The following VGLL3 variants were observed in gnomAD, a reference collection of about 807,000 sequenced individuals.
The protein encoded by VGLL3 is transcription cofactor vestigial-like protein 3.
In VGLL3, 18 loss-of-function variants were observed where a neutral mutation model predicts 29.2. That is an observed-to-expected ratio of 0.62 (90% CI 0.43 to 0.91). VGLL3 has a LOEUF of 0.91. Among genes scored for constraint, VGLL3 ranks in the 40% least tolerant of loss-of-function variants. The pLI is 0.00. For missense variants in VGLL3, 440 were observed against 413.2 expected (o/e 1.06, Z -0.56); for synonymous variants, 180 against 151.8 (o/e 1.19, Z -1.36).
rs560861117 is a variant in VGLL3 at position 86,978,400 on chromosome 3, C to A, written c.403+126G>T. On this transcript the variant is annotated intron_variant, in intron 2 of 3. Coordinates refer to ENST00000398399, the MANE Select transcript of VGLL3 (RefSeq NM_016206.4). ...CTGTTTGTCTGAAAGAAATTCCTCACTGTCCTTAAATATTAAAAAGCAAGT... is the reference window on the plus strand; with the variant it reads ...CTGTTTGTCTGAAAGAAATTCCTCAATGTCCTTAAATATTAAAAAGCAAGT... 35 of 1,111,106 alleles carry A rather than the reference C, an allele frequency of 3.2e-5. 1 individual carries two copies. In the South Asian group the frequency reaches 4.9e-4, roughly 16 times the overall value. The allele number at this position is 1,111,106 out of a possible 1,614,324, so 68.8% of individuals were successfully genotyped here. A position where few individuals can be genotyped will look rare whatever the true frequency, so the allele number is the denominator to read the frequency against.
At position 86,945,568 on chromosome 3, in the gene VGLL3, T is replaced by G. The variant is rs999969745; in HGVS notation, c.*1456A>C. The G allele has an allele frequency of 6.6e-6, 1 of 152,208 alleles. No individual in the cohort carries two copies. Among genetic ancestry groups the G allele is most frequent in the Non-Finnish European group, 1.5e-5 (1 of 68,020 alleles). The allele number at this position is 152,208 out of a possible 1,614,324, so 9.4% of individuals were successfully genotyped here. The stretch of plus-strand genomic sequence containing the variant: ...GTCCAGCAGTATCAATAACTGTTAC[T>G]TTCATAATCTTAATCTTCTCCTAGC... On this transcript the variant is annotated 3_prime_UTR_variant, in exon 4 of 4. Transcript: ENST00000398399.
At chr3:86,980,692 A>G (rs1705308053) in intron 1 of VGLL3, among the ~76,000 whole-genome samples, 1 of 152,144 alleles carries the variant, frequency 6.6e-6, no homozygotes, top group African/African-American at 2.4e-5. Flanking sequence ...ATTCCATTAA[A>G]AAATTAAATG....
At chr3:86,984,123 A>T (rs1705387105) in intron 1 of VGLL3, among the ~76,000 whole-genome samples, 1 of 152,258 alleles carries the variant, frequency 6.6e-6, no homozygotes, top group Non-Finnish European at 1.5e-5. Context: ...AAACAATGTC[A>T]TGCTTTTAAA....
rs1056147084 is a variant in VGLL3 at position 86,990,900 on chromosome 3, G to C, written c.-157C>G. 1 of 1,122,468 alleles carries C rather than the reference G, an allele frequency of 8.9e-7. No homozygotes were observed. Among genetic ancestry groups the C allele is most frequent in the Non-Finnish European group, 1.1e-6 (1 of 912,628 alleles). 69.5% of individuals were successfully genotyped at this position (1,122,468 alleles called of 1,614,324 possible). A position where few individuals can be genotyped will look rare whatever the true frequency, so the allele number is the denominator to read the frequency against. On this transcript the variant is annotated 5_prime_UTR_variant, in exon 1 of 4. Coordinates refer to ENST00000398399, the MANE Select transcript of VGLL3 (RefSeq NM_016206.4). ...TCCTCGGCGGCCTCGGGCTCCGCGC[G>C]GGGCGCGGGGTCGGGAGGGACTGGC... is the stretch of plus-strand genomic sequence containing the variant.
chr3:86,962,799 C>T lies in VGLL3; in HGVS notation c.937+5791G>A, dbSNP rs146802401. The T allele has an allele frequency of 2.4e-3, 708 of 300,946 alleles. 7 individuals carry two copies. Among genetic ancestry groups the T allele is most frequent in the African/African-American group, 0.014 (596 of 44,048 alleles). 18.6% of individuals were successfully genotyped at this position (300,946 alleles called of 1,614,324 possible). ...TTGGGAGTCCGAGGCAGGTGGATCA[C>T]GAGGTCAGGAGTTTGAGACCAGCCT... On this transcript the variant is annotated intron_variant, in intron 3 of 3. Transcript: ENST00000398399.
At chr3:86,984,281 C>T (rs904531732) in intron 1 of VGLL3, among the ~76,000 whole-genome samples, 6 of 152,300 alleles carry the variant, frequency 3.9e-5, no homozygotes, top group African/African-American at 1.4e-4. Context: ...GACAAAATCA[C>T]ACCTCAGGAT....
chr3:86,986,825 G>T (rs62257353), intron 1 of VGLL3, among the ~76,000 whole-genome samples: 46 of 152,038 alleles, frequency 3.0e-4, no homozygotes, highest in Non-Finnish European at 5.9e-4. Flanking sequence ...CAACAAGGGT[G>T]CAACATGGAT....
Position 86,990,656 on chromosome 3 carries a change from TG to T in VGLL3, c.87del (p.Thr30GlnfsTer16). Reference sequence around the variant, plus strand: ...TGGGGCGCCGGCTGATAGTAGGCTGTGGGGCAGGTTGTCGCTGCCATGGGGT... The same window carrying T: ...TGGGGCGCCGGCTGATAGTAGGCTGTGGGCAGGTTGTCGCTGCCATGGGGT... ...LPNPMAATTC[P>X]TAYYQPAPQP... On this transcript the variant is annotated frameshift_variant, in exon 1 of 4. Transcript: ENST00000398399. LOFTEE classifies it high-confidence loss of function. The T allele has an allele frequency of 7.2e-7, 1 of 1,393,762 alleles. No homozygotes were observed. Among genetic ancestry groups the T allele is most frequent in the Non-Finnish European group, 9.4e-7 (1 of 1,068,944 alleles). The allele number at this position is 1,393,762 out of a possible 1,614,324, so 86.3% of individuals were successfully genotyped here. A position where few individuals can be genotyped will look rare whatever the true frequency, so the allele number is the denominator to read the frequency against.
chr3:86,958,554 A>G (rs539648952), intron 3 of VGLL3, among the ~76,000 whole-genome samples: 6 of 152,308 alleles, frequency 3.9e-5, no homozygotes, highest in African/African-American at 1.2e-4. Flanking sequence ...TTATGGCACC[A>G]TTTTATGGAG....
chr3:86,981,703 T>C (rs1378497973), intron 1 of VGLL3, among the ~76,000 whole-genome samples: 2 of 152,090 alleles, frequency 1.3e-5, no homozygotes, highest in Admixed American at 6.6e-5. Flanking sequence ...ATCAAACAAA[T>C]AAAATGAAAA....
chr3:86,976,977 G>A (rs769050721), intron 2 of VGLL3, among the ~76,000 whole-genome samples: 31 of 151,884 alleles, frequency 2.0e-4, no homozygotes, highest in Non-Finnish European at 3.8e-4. Flanking sequence ...TATTCATCAC[G>A]TCCTGTTAAA....
In VGLL3 at chr3:86,969,099, C is replaced by T. The variant is rs772107874; in HGVS notation, c.428G>A (p.Arg143Gln). The T allele has an allele frequency of 2.0e-5, 32 of 1,604,072 alleles. No homozygotes were observed. Among genetic ancestry groups the T allele is most frequent in the African/African-American group, 1.1e-4 (8 of 74,684 alleles). ...WRDSSALSSQ[R>Q]NSFPTSFWTS... Reference sequence around the variant, plus strand: ...CCAAAAGGAAGTTGGGAAACTATTCCGCTGGCTTGAGAGAGCTGAGCTGTC... The same window carrying T: ...CCAAAAGGAAGTTGGGAAACTATTCTGCTGGCTTGAGAGAGCTGAGCTGTC... Residue 143 changes from arginine (R) to glutamine (Q), a missense_variant, in exon 3 of 4, where the codon CGG becomes CAG. Physicochemically the swap from Arg to Gln is conservative, Grantham distance 43. Transcript: ENST00000398399.
In VGLL3 at chr3:86,969,109, A is replaced by C. The variant is rs1705030467; in HGVS notation, c.418T>G (p.Ser140Ala). ...GTTGGGAAACTATTCCGCTGGCTTGAGAGAGCTGAGCTGTCTGAGAAGACA... is the reference window on the plus strand; with the variant it reads ...GTTGGGAAACTATTCCGCTGGCTTGCGAGAGCTGAGCTGTCTGAGAAGACA... ...TPLWRDSSAL[S>A]SQRNSFPTSF... The change falls in exon 3 of 4, where the codon TCA (serine) becomes GCA (alanine). Residue 140 changes from serine to alanine, a missense_variant. Physicochemically the swap from Ser to Ala is moderately conservative, Grantham distance 99. Coordinates refer to ENST00000398399, the MANE Select transcript of VGLL3 (RefSeq NM_016206.4). 6.2e-7 allele frequency: 1 copy of C among 1,600,692 alleles called. No individual in the cohort carries two copies. The highest frequency in any genetic ancestry group is 1.1e-5 in the South Asian group (1 of 89,466).
intron 3 of VGLL3, among the ~76,000 whole-genome samples, chr3:86,956,579 G>C (rs1704727219): frequency 6.6e-6 from 1 of 152,130 alleles, no homozygotes; most frequent in Non-Finnish European, 1.5e-5. Context: ...GAGGTCAGGA[G>C]ATCGAGATCA....
intron 3 of VGLL3, among the ~76,000 whole-genome samples, chr3:86,956,486 A>G (rs546539375): frequency 2.0e-4 from 30 of 152,278 alleles, no homozygotes; most frequent in African/African-American, 6.5e-4. Flanking sequence ...TCTTGCTTGC[A>G]GTTTTTAAGA....
intron 3 of VGLL3, among the ~76,000 whole-genome samples, chr3:86,967,496 C>G (rs1704989637): frequency 6.6e-6 from 1 of 152,046 alleles, no homozygotes; most frequent in African/African-American, 2.4e-5. Flanking sequence ...GAAAAGTTAA[C>G]CAAAATAAGA....
At chr3:86,975,883 G>A (rs1705200495) in intron 2 of VGLL3, among the ~76,000 whole-genome samples, 1 of 152,126 alleles carries the variant, frequency 6.6e-6, no homozygotes, top group Admixed American at 6.5e-5. Context: ...AGGCCGAGGC[G>A]GGCAGATCAC....
rs1370583035 is a variant in VGLL3 at position 86,988,683 on chromosome 3, AAAG to A, written c.126+1932_126+1934del. On this transcript the variant is annotated intron_variant, in intron 1 of 3. Transcript: ENST00000398399. ...AAAAAAAAAAAAAAAAAAAAAAAAA[AAAG>A]AAGAAGAAGAAGGAGAAGAAAAAGA... is the stretch of plus-strand genomic sequence containing the variant. Among the ~76,000 whole-genome samples, 105 of 135,394 alleles carry A rather than the reference AAAG, an allele frequency of 7.8e-4. 1 individual carries two copies. Among genetic ancestry groups the A allele is most frequent in the Non-Finnish European group, 9.9e-4 (63 of 63,812 alleles). 88.8% of individuals were successfully genotyped at this position (135,394 alleles called of 152,430 possible).
chr3:86,988,416 A>G (rs969923053), intron 1 of VGLL3, among the ~76,000 whole-genome samples: 1 of 151,768 alleles, frequency 6.6e-6, no homozygotes, highest in South Asian at 2.1e-4. Context: ...TTCTCGGATG[A>G]CTGCATTAGG....
Sources: gnomAD v4.1 joint callset for allele counts (sites outside exome capture counted in the v4.1 genomes callset) on GRCh38, gnomAD v4.1.1 for gene constraint, MANE v1.5 for transcripts, NCBI Gene and HGNC (gene_info 2026-07-23, HGNC 2026-07-21) for gene names.